The following SLC24A3 variants were observed in gnomAD, a reference collection of about 807,000 sequenced individuals.
The protein encoded by SLC24A3 is sodium/potassium/calcium exchanger 3.
A neutral mutation model predicts 75.8 loss-of-function variants in SLC24A3; 28 were observed. The ratio of observed to expected loss-of-function variants is 0.37; its 90% CI spans 0.27 to 0.51. The LOEUF is 0.51. Among genes scored for constraint, SLC24A3 ranks in the 20% least tolerant of loss-of-function variants. SLC24A3 has a pLI of 0.94. For missense variants in SLC24A3, 663 were observed against 847.8 expected, an observed-to-expected ratio of 0.78 and a Z score of 2.71; for synonymous variants, 372 against 334.1, an observed-to-expected ratio of 1.11 and a Z score of -1.24.
chr20:19,362,425 G>A (rs1228158934), intron 2 of SLC24A3, among the ~76,000 whole-genome samples: 4 of 152,166 alleles, frequency 2.6e-5, no homozygotes, highest in African/African-American at 7.2e-5. Flanking sequence ...GCGCTTTTTC[G>A]TGACAAGTGG....
At chr20:19,601,626 C>T (rs116087307) in intron 6 of SLC24A3, among the ~76,000 whole-genome samples, 5 of 152,096 alleles carry the variant, frequency 3.3e-5, no homozygotes, top group South Asian at 2.1e-4. Flanking sequence ...TTTCTCAGAA[C>T]GGTGTTGACA....
intron 1 of SLC24A3, among the ~76,000 whole-genome samples, chr20:19,269,773 C>T (rs1600402784): frequency 1.3e-5 from 2 of 152,220 alleles, no homozygotes; most frequent in Admixed American, 6.5e-5. Flanking sequence ...ATTTCACTCT[C>T]CATCATCAGG....
intron 6 of SLC24A3, among the ~76,000 whole-genome samples, chr20:19,653,453 G>C (rs1445662499): frequency 1.3e-5 from 2 of 152,202 alleles, no homozygotes; most frequent in Non-Finnish European, 2.9e-5. Flanking sequence ...ATATAATAGA[G>C]ATGAGGGAAG....
chr20:19,303,739 G>A (rs1354802349), intron 2 of SLC24A3, among the ~76,000 whole-genome samples: 1 of 152,148 alleles, frequency 6.6e-6, no homozygotes, highest in African/African-American at 2.4e-5. Context: ...TATGCAAAAG[G>A]AAGTCACCTC....
chr20:19,360,719 G>A (rs186262059), intron 2 of SLC24A3, among the ~76,000 whole-genome samples: 13 of 152,322 alleles, frequency 8.5e-5, no homozygotes, highest in African/African-American at 2.6e-4. Flanking sequence ...GCAATGTCTA[G>A]ACATCACAGC....
At chr20:19,656,148 C>G (rs963478575) in intron 7 of SLC24A3, among the ~76,000 whole-genome samples, 2 of 152,006 alleles carry the variant, frequency 1.3e-5, no homozygotes, top group Non-Finnish European at 2.9e-5. Context: ...TGAGATTTTC[C>G]CTGCGGAACC....
chr20:19,297,423 C>A (rs1198934090), intron 2 of SLC24A3, among the ~76,000 whole-genome samples: 7 of 152,198 alleles, frequency 4.6e-5, no homozygotes, highest in African/African-American at 1.7e-4. Flanking sequence ...TTCTCAGGAA[C>A]CCCAGCTCAG....
chr20:19,373,015 T>C (rs184827712), intron 2 of SLC24A3, among the ~76,000 whole-genome samples: 1 of 152,158 alleles, frequency 6.6e-6, no homozygotes, highest in East Asian at 1.9e-4. Context: ...CCTAACTTAG[T>C]TACCAAAAGA....
At chr20:19,292,881 G>A (rs1983975066) in intron 2 of SLC24A3, among the ~76,000 whole-genome samples, 1 of 152,208 alleles carries the variant, frequency 6.6e-6, no homozygotes, top group Admixed American at 6.5e-5. Context: ...CTGGTTCATG[G>A]TTAGCGCCTT....
intron 10 of SLC24A3, among the ~76,000 whole-genome samples, chr20:19,683,865 A>C (rs530666748): frequency 6.6e-6 from 1 of 152,344 alleles, no homozygotes; most frequent in Non-Finnish European, 1.5e-5. Context: ...CTTGTTCAAA[A>C]TTTGCTCACT....
At chr20:19,292,194 T>C (rs1247997298) in intron 2 of SLC24A3, among the ~76,000 whole-genome samples, 2 of 152,152 alleles carry the variant, frequency 1.3e-5, no homozygotes, top group African/African-American at 4.8e-5. Flanking sequence ...GTCAAGTCTT[T>C]AACACACAGC....
At position 19,400,489 on chromosome 20, in the gene SLC24A3, C is replaced by T. The variant is rs113170112; in HGVS notation, c.272-114999C>T. On this transcript the variant is annotated intron_variant, in intron 2 of 16. Transcript: ENST00000328041. ...CACTATTCCTAGCCCTGTGTGAGTG[C>T]CGGGCGCTGTGACCTCTAACCTCTT... Among the ~76,000 whole-genome samples the T allele has an allele frequency of 5.1e-3, 772 of 152,252 alleles. 7 individuals carry two copies. The highest frequency in any genetic ancestry group is 0.018 in the African/African-American group (729 of 41,546).
At chr20:19,702,003 C>T (rs1191760329) in intron 15 of SLC24A3, among the ~76,000 whole-genome samples, 1 of 152,170 alleles carries the variant, frequency 6.6e-6, no homozygotes, top group African/African-American at 2.4e-5. Flanking sequence ...AGGGGACAAT[C>T]ATAGAAGGTG....
chr20:19,365,136 G>A (rs1188438251), intron 2 of SLC24A3, among the ~76,000 whole-genome samples: 2 of 152,194 alleles, frequency 1.3e-5, no homozygotes, highest in Non-Finnish European at 2.9e-5. Context: ...TATACAAGGA[G>A]AAGGATGCTC....
intron 2 of SLC24A3, among the ~76,000 whole-genome samples, chr20:19,488,473 C>T (rs964763769): frequency 2.0e-5 from 3 of 152,166 alleles, no homozygotes; most frequent in African/African-American, 7.2e-5. Context: ...GAATTGCCTT[C>T]TAGAAAGAAA....
At chr20:19,617,006 C>T (rs1360730899) in intron 6 of SLC24A3, among the ~76,000 whole-genome samples, 2 of 152,130 alleles carry the variant, frequency 1.3e-5, no homozygotes, top group Non-Finnish European at 2.9e-5. Context: ...GTGAACCAAG[C>T]AGATGAAGCC....
At chr20:19,316,857 G>C (rs1043335005) in intron 2 of SLC24A3, among the ~76,000 whole-genome samples, 3 of 152,072 alleles carry the variant, frequency 2.0e-5, no homozygotes, top group African/African-American at 7.2e-5. Flanking sequence ...TTTAAGTTCA[G>C]GGGTACATGT....
At chr20:19,261,376 T>A (rs1982981518) in intron 1 of SLC24A3, among the ~76,000 whole-genome samples, 1 of 152,160 alleles carries the variant, frequency 6.6e-6, no homozygotes, top group Admixed American at 6.5e-5. Context: ...TCTCACTCTC[T>A]TCCAGGCTGG....
At chr20:19,637,242 A>T (rs531218280) in intron 6 of SLC24A3, among the ~76,000 whole-genome samples, 1 of 152,400 alleles carries the variant, frequency 6.6e-6, no homozygotes, top group Non-Finnish European at 1.5e-5. Context: ...TGAAGGTTGC[A>T]GTGAGCCAAG....
Sources: gnomAD v4.1 joint callset for allele counts (sites outside exome capture counted in the v4.1 genomes callset) on GRCh38, gnomAD v4.1.1 for gene constraint, MANE v1.5 for transcripts, NCBI Gene and HGNC (gene_info 2026-07-23, HGNC 2026-07-21) for gene names.